The following CNTNAP2 variants were observed in gnomAD, a reference collection of about 807,000 sequenced individuals.
CNTNAP2 encodes the protein contactin associated protein 2.
CNTNAP2 carries 98 observed loss-of-function variants against 155.2 expected under a neutral mutation model. The ratio of observed to expected loss-of-function variants is 0.63; its 90% CI spans 0.54 to 0.75. The LOEUF (loss-of-function observed/expected upper bound fraction) is 0.75, where lower values mean the gene tolerates loss of function less well. Among genes scored for constraint, CNTNAP2 ranks in the 30% least tolerant of loss-of-function variants. The pLI is 0.00. For synonymous variants in CNTNAP2, 651 were observed against 631.2 expected (o/e 1.03, Z -0.47); for missense variants, 1,727 against 1,688.1 (o/e 1.02, Z -0.40).
chr7:146,526,786 A>C (rs533074620), intron 1 of CNTNAP2, among the ~76,000 whole-genome samples: 1 of 152,326 alleles, frequency 6.6e-6, no homozygotes, highest in African/African-American at 2.4e-5. Context: ...TTTCAAGTTA[A>C]GTTCCCAGAA....
intron 14 of CNTNAP2, among the ~76,000 whole-genome samples, chr7:147,909,264 T>A (rs1447091034): frequency 6.6e-6 from 1 of 152,226 alleles, no homozygotes; most frequent in African/African-American, 2.4e-5. Flanking sequence ...TTTTTATCTA[T>A]CTTTTTAATG....
intron 13 of CNTNAP2, among the ~76,000 whole-genome samples, chr7:147,789,432 A>T (rs982855453): frequency 6.6e-6 from 1 of 152,144 alleles, no homozygotes; most frequent in Non-Finnish European, 1.5e-5. Flanking sequence ...GCATCTTCTT[A>T]TCACTCTTAG....
At chr7:147,120,837 T>A (rs1414703433) in intron 5 of CNTNAP2, 142 bp from the exon 6 acceptor site, 25 of 761,170 alleles carry the variant, frequency 3.3e-5, no homozygotes, top group Non-Finnish European at 5.7e-5. Flanking sequence ...GTGTCGTTAC[T>A]TACTGGTATC....
chr7:147,260,776 T>C (rs1460391263), intron 8 of CNTNAP2, among the ~76,000 whole-genome samples: 1 of 152,194 alleles, frequency 6.6e-6, no homozygotes, highest in Non-Finnish European at 1.5e-5. Context: ...GACTCACCTG[T>C]GTGAAAGGAT....
At chr7:148,238,253 A>G (rs1190346200) in intron 20 of CNTNAP2, among the ~76,000 whole-genome samples, 2 of 152,138 alleles carry the variant, frequency 1.3e-5, no homozygotes, top group Admixed American at 6.5e-5. Flanking sequence ...GGGGGCTGAG[A>G]CAGGAGAATC....
At chr7:148,317,769 C>G (rs1024391876) in intron 21 of CNTNAP2, among the ~76,000 whole-genome samples, 1 of 151,464 alleles carries the variant, frequency 6.6e-6, no homozygotes, top group Non-Finnish European at 1.5e-5. Context: ...GGTGCGATCT[C>G]GGCTCACTGC....
At chr7:148,085,056 G>T (rs1386133796) in intron 15 of CNTNAP2, among the ~76,000 whole-genome samples, 3 of 152,168 alleles carry the variant, frequency 2.0e-5, no homozygotes, top group Admixed American at 2.0e-4. Flanking sequence ...CATATTCTTT[G>T]TGAGATGTCT....
intron 15 of CNTNAP2, among the ~76,000 whole-genome samples, chr7:148,054,443 T>G (rs1291211088): frequency 7.4e-6 from 1 of 135,154 alleles, no homozygotes. Flanking sequence ...CTTCTCTCAG[T>G]GGCCTTTTTT....
intron 1 of CNTNAP2, among the ~76,000 whole-genome samples, chr7:146,767,816 G>A (rs1301374986): frequency 6.6e-6 from 1 of 152,074 alleles, no homozygotes; most frequent in South Asian, 2.1e-4. Flanking sequence ...ACAGGAAAAG[G>A]ACTTTTGAAA....
intron 13 of CNTNAP2, among the ~76,000 whole-genome samples, chr7:147,658,476 C>T (rs142789322): frequency 2.7e-4 from 41 of 152,276 alleles, no homozygotes; most frequent in African/African-American, 9.6e-4. Flanking sequence ...GGCCACCACA[C>T]TGTGTGGGTA....
chr7:146,517,693 AGGATTGTCT>A lies in CNTNAP2; in HGVS notation c.98-256576_98-256568del, dbSNP rs996354438. 5.3e-5 allele frequency among the ~76,000 whole-genome samples: 8 copies of A among 152,024 alleles called. 1 individual carries two copies. In the South Asian group the frequency reaches 1.7e-3, roughly 32 times the overall value. ...ATCACTTTGGCAGGTTTGTAAAGAA[AGGATTGTCT>A]GATGGGCATTAATGGAAGCAGAGAC... On this transcript the variant is annotated intron_variant, in intron 1 of 23. Coordinates refer to ENST00000361727, the MANE Select transcript of CNTNAP2 (RefSeq NM_014141.6).
intron 13 of CNTNAP2, among the ~76,000 whole-genome samples, chr7:147,784,381 CATATATAT>C (rs60221349): frequency 0.014 from 1,365 of 99,264 alleles, 71 homozygotes; most frequent in African/African-American, 0.043. Context: ...AAACTAAAAA[CATATATAT>C]ATATATATAT....
chr7:147,820,299 TTTTGTTGTTTAATGTCTGTTCAA>T lies in CNTNAP2; in HGVS notation c.2099-83245_2099-83223del, dbSNP rs373201238. 7.5e-3 allele frequency among the ~76,000 whole-genome samples: 1,147 copies of T among 152,220 alleles called. 15 individuals are homozygous for T. Among genetic ancestry groups the T allele is most frequent in the African/African-American group, 0.026 (1,085 of 41,570 alleles). On this transcript the variant is annotated intron_variant, in intron 13 of 23. Transcript: ENST00000361727. Reference sequence around the variant, plus strand: ...ATTTGCTTATTGGTTATTGCATGTCTTTTGTTGTTTAATGTCTGTTCAATTTGTTGTTTAATGTCTGTTTAATG... The same window carrying T: ...ATTTGCTTATTGGTTATTGCATGTCTTTTGTTGTTTAATGTCTGTTTAATG...
chr7:146,889,189 A>T (rs561533776), intron 3 of CNTNAP2, among the ~76,000 whole-genome samples: 1 of 152,284 alleles, frequency 6.6e-6, no homozygotes, highest in African/African-American at 2.4e-5. Flanking sequence ...AGCAGTTTTT[A>T]AAAAAGTTTT....
chr7:147,446,032 C>A (rs1170063343), intron 10 of CNTNAP2, among the ~76,000 whole-genome samples: 1 of 151,998 alleles, frequency 6.6e-6, no homozygotes, highest in East Asian at 1.9e-4. Context: ...AAATCGCCTA[C>A]CACCCTACAC....
intron 11 of CNTNAP2, among the ~76,000 whole-genome samples, chr7:147,522,917 G>A (rs965551712): frequency 2.6e-5 from 4 of 151,944 alleles, no homozygotes; most frequent in African/African-American, 9.7e-5. Context: ...TAACAAACTT[G>A]TAAACCAACA....
intron 8 of CNTNAP2, among the ~76,000 whole-genome samples, chr7:147,191,046 A>G (rs1802670305): frequency 6.6e-6 from 1 of 152,176 alleles, no homozygotes; most frequent in Non-Finnish European, 1.5e-5. Flanking sequence ...ACTCTAAATG[A>G]GAAAGAAAGA....
At chr7:146,784,132 G>A (rs1170774517) in intron 2 of CNTNAP2, among the ~76,000 whole-genome samples, 1 of 152,034 alleles carries the variant, frequency 6.6e-6, no homozygotes, top group Non-Finnish European at 1.5e-5. Context: ...TTCAATTTTG[G>A]ACTTTTGAGA....
intron 12 of CNTNAP2, among the ~76,000 whole-genome samples, chr7:147,597,149 C>G (rs1800840267): frequency 6.6e-6 from 1 of 152,170 alleles, no homozygotes; most frequent in African/African-American, 2.4e-5. Flanking sequence ...CCTTTACTTT[C>G]TTAATAAAAT....
Sources: allele counts gnomAD v4.1 joint callset (sites outside exome capture counted in the v4.1 genomes callset), GRCh38; gene constraint gnomAD v4.1.1; transcripts MANE v1.5; gene names NCBI Gene and HGNC (gene_info 2026-07-23, HGNC 2026-07-21).